Variants in NAV3 observed in about 807,000 individuals in gnomAD.
The protein encoded by NAV3 is neuron navigator 3.
In NAV3, 87 loss-of-function variants were observed where a neutral mutation model predicts 244.7. That is an observed-to-expected ratio of 0.36 (90% CI 0.30 to 0.42). NAV3 has a LOEUF of 0.42. Ranked by LOEUF, NAV3 falls within the 20% of genes least tolerant of loss-of-function variation. The pLI is 1.00. For synonymous variants in NAV3, 1,126 were observed against 1,042.2 expected (o/e 1.08, Z -1.55); for missense variants, 2,663 against 2,893.3 (o/e 0.92, Z 1.83).
chr12:77,720,212 T>C (rs1876550552), intron 2 of NAV3, among the ~76,000 whole-genome samples: 1 of 152,066 alleles, frequency 6.6e-6, no homozygotes, highest in Admixed American at 6.6e-5. Flanking sequence ...CAATTTTTTT[T>C]CTTTGGTTGA....
intron 2 of NAV3, among the ~76,000 whole-genome samples, chr12:77,626,316 C>A (rs560164678): frequency 6.6e-6 from 1 of 151,582 alleles, no homozygotes; most frequent in South Asian, 2.1e-4. Flanking sequence ...GCCTATGGGA[C>A]ACCATAAAGT....
intron 2 of NAV3, among the ~76,000 whole-genome samples, chr12:77,823,756 C>G (rs575252408): frequency 9.2e-5 from 14 of 152,160 alleles, no homozygotes; most frequent in Admixed American, 6.5e-4. Context: ...TGACATGACT[C>G]ATATCCAGGA....
chr12:78,204,994 A>G lies in NAV3; in HGVS notation c.6894A>G (p.Pro2298=). 2 of 1,613,616 alleles carry G rather than the reference A, an allele frequency of 1.2e-6. No individual in the cohort carries two copies. The highest frequency in any genetic ancestry group is 1.7e-6 in the Non-Finnish European group (2 of 1,179,762). ...CAAAGTGGGTGCTTGACACATATCC[A>G]TGGAGCTCAGCAACTCTGCCTCAGG... is the stretch of plus-strand genomic sequence containing the variant. ...DPSKWVLDTY[P]WSSATLPQES... Residue 2298 remains proline (P), a synonymous_variant, in exon 39 of 40, where the codon CCA becomes CCG. Transcript: ENST00000397909.
At chr12:77,994,140 C>T (rs923594942) in intron 5 of NAV3, among the ~76,000 whole-genome samples, 2 of 152,214 alleles carry the variant, frequency 1.3e-5, no homozygotes, top group Non-Finnish European at 2.9e-5. Flanking sequence ...TTCAAGAATG[C>T]CCAGAAATTG....
chr12:78,107,606 A>C (rs2138332724), intron 12 of NAV3, among the ~76,000 whole-genome samples: 1 of 152,186 alleles, frequency 6.6e-6, no homozygotes, highest in Admixed American at 6.5e-5. Flanking sequence ...AAAGTGCTTA[A>C]AGAAAAAAAA....
intron 9 of NAV3, among the ~76,000 whole-genome samples, chr12:78,032,509 T>A (rs1016687551): frequency 1.3e-5 from 2 of 152,222 alleles, no homozygotes; most frequent in Admixed American, 1.3e-4. Context: ...CCAAAATTTT[T>A]AAGTACGTCA....
intron 12 of NAV3, among the ~76,000 whole-genome samples, chr12:78,108,342 C>T (rs574234569): frequency 6.6e-6 from 1 of 152,164 alleles, no homozygotes; most frequent in African/African-American, 2.4e-5. Context: ...AAATAGACTG[C>T]AATACAGTAA....
intron 1 of NAV3, among the ~76,000 whole-genome samples, chr12:77,893,464 G>T (rs1329856827): frequency 1.3e-5 from 2 of 152,056 alleles, no homozygotes; most frequent in African/African-American, 4.8e-5. Context: ...ATTGATATTA[G>T]AGTTGAAATG....
At chr12:77,788,009 T>TA (rs1459502008) in intron 2 of NAV3, among the ~76,000 whole-genome samples, 1 of 152,164 alleles carries the variant, frequency 6.6e-6, no homozygotes, top group Non-Finnish European at 1.5e-5. Context: ...AGTATAGTGG[T>TA]AAAAAATCCA....
intron 1 of NAV3, among the ~76,000 whole-genome samples, chr12:77,854,701 C>A (rs1878104426): frequency 6.6e-6 from 1 of 152,108 alleles, no homozygotes. Context: ...ATCATTTATG[C>A]TAATTCCAAG....
At chr12:78,130,184 ATAT>A (rs1197425092) in intron 18 of NAV3, among the ~76,000 whole-genome samples, 1 of 152,140 alleles carries the variant, frequency 6.6e-6, no homozygotes, top group African/African-American at 2.4e-5. Context: ...ACAGAGTGTA[ATAT>A]TAAAATATGT....
At chr12:77,909,344 C>G (rs570808124) in intron 1 of NAV3, among the ~76,000 whole-genome samples, 1 of 151,738 alleles carries the variant, frequency 6.6e-6, no homozygotes, top group African/African-American at 2.4e-5. Flanking sequence ...TTTGTCCATC[C>G]GGGTAACAAC....
Position 77,774,294 on chromosome 12 carries a change from C to T in NAV3, c.73-166025C>T, listed in dbSNP as rs116904538. Reference sequence around the variant, plus strand: ...CCTTCCATTATTCAGTCCTTGCCTTCCTTTGATCCGCTTCCATGAAGCAGT... The same window carrying T: ...CCTTCCATTATTCAGTCCTTGCCTTTCTTTGATCCGCTTCCATGAAGCAGT... On this transcript the variant is annotated intron_variant, in intron 2 of 8. Transcript: ENST00000550042. 8.1e-3 allele frequency among the ~76,000 whole-genome samples: 1,235 copies of T among 152,304 alleles called. 8 individuals carry two copies. The highest frequency in any genetic ancestry group is 0.017 in the Middle Eastern group (5 of 294).
chr12:77,843,819 G>A (rs867889794), intron 1 of NAV3, among the ~76,000 whole-genome samples: 4 of 145,788 alleles, frequency 2.7e-5, no homozygotes, highest in Admixed American at 6.9e-5. Context: ...AACCAATTTA[G>A]ACCCTGTCTT....
intron 3 of NAV3, among the ~76,000 whole-genome samples, chr12:77,961,087 A>G (rs1281818248): frequency 6.8e-6 from 1 of 146,140 alleles, no homozygotes; most frequent in Non-Finnish European, 1.5e-5. Context: ...ATATATGTAT[A>G]TGTTACATGT....
chr12:77,916,273 G>A (rs1320818346), intron 1 of NAV3, among the ~76,000 whole-genome samples: 1 of 152,006 alleles, frequency 6.6e-6, no homozygotes, highest in Non-Finnish European at 1.5e-5. Flanking sequence ...AAAGACATTG[G>A]AAAATATGGA....
intron 34 of NAV3, among the ~76,000 whole-genome samples, chr12:78,195,618 T>C (rs1347733783): frequency 6.6e-6 from 1 of 152,016 alleles, no homozygotes; most frequent in Non-Finnish European, 1.5e-5. Flanking sequence ...TCTCTTTCCC[T>C]CCTATAGGCC....
Position 78,199,813 on chromosome 12 carries a change from C to T in NAV3, c.6715+282C>T, listed in dbSNP as rs565554724. Among the ~76,000 whole-genome samples, 8 of 151,892 alleles carry T rather than the reference C, an allele frequency of 5.3e-5. No homozygotes were observed. The South Asian group carries it at 1.2e-3, about 24-fold the overall frequency. On this transcript the variant is annotated intron_variant, in intron 37 of 39. Transcript: ENST00000397909. The stretch of plus-strand genomic sequence containing the variant: ...GATAACCACTGGAAATGAATAGTAT[C>T]GATTTAGGATACTTTTTATGCTAAA...
At chr12:77,856,031 T>C (rs1878345881) in intron 1 of NAV3, among the ~76,000 whole-genome samples, 1 of 152,248 alleles carries the variant, frequency 6.6e-6, no homozygotes, top group Non-Finnish European at 1.5e-5. Context: ...GTAAGTCTGT[T>C]ATTAGAATTT....
Sources: allele counts gnomAD v4.1 joint callset (sites outside exome capture counted in the v4.1 genomes callset), GRCh38; gene constraint gnomAD v4.1.1; transcripts MANE v1.5; gene names NCBI Gene and HGNC (gene_info 2026-07-23, HGNC 2026-07-21).